Variants in BBS9 observed in about 807,000 individuals in gnomAD.
BBS9 encodes Bardet-Biedl syndrome 9.
A neutral mutation model predicts 117.7 loss-of-function variants in BBS9; 89 were observed. The ratio of observed to expected loss-of-function variants is 0.76; its 90% confidence interval spans 0.64 to 0.90. The LOEUF is 0.90. Among genes scored for constraint, BBS9 ranks in the 40% least tolerant of loss-of-function variants. The pLI is 0.00. For synonymous variants in BBS9, 379 were observed against 370.9 expected (o/e 1.02, Z -0.25); for missense variants, 982 against 1,042.2 (o/e 0.94, Z 0.80).
At chr7:33,225,281 T>C (rs1583725830) in intron 5 of BBS9, among the ~76,000 whole-genome samples, 1 of 152,228 alleles carries the variant, frequency 6.6e-6, no homozygotes, top group Non-Finnish European at 1.5e-5. Context: ...CACTGTGGCC[T>C]TGACCTCCTG....
At chr7:33,517,224 C>A (rs1191262198) in intron 20 of BBS9, among the ~76,000 whole-genome samples, 1 of 151,214 alleles carries the variant, frequency 6.6e-6, no homozygotes, top group African/African-American at 2.5e-5. Context: ...ATGTGCTAGG[C>A]ATTGATCAAG....
chr7:33,529,301 A>T (rs1850192602), intron 20 of BBS9, among the ~76,000 whole-genome samples: 1 of 152,222 alleles, frequency 6.6e-6, no homozygotes, highest in South Asian at 2.1e-4. Flanking sequence ...GTCAGGTAGC[A>T]GGCAGGGCCT....
intron 20 of BBS9, among the ~76,000 whole-genome samples, chr7:33,530,353 G>A (rs948903512): frequency 1.3e-5 from 2 of 152,152 alleles, no homozygotes; most frequent in Non-Finnish European, 1.5e-5. Flanking sequence ...AAATTCTGTA[G>A]TACTCTGTAT....
intron 1 of BBS9, among the ~76,000 whole-genome samples, chr7:33,136,692 A>G (rs910593880): frequency 1.3e-5 from 2 of 152,196 alleles, no homozygotes; most frequent in African/African-American, 4.8e-5. Context: ...GTCATGTTAT[A>G]TAATACTTTT....
At chr7:33,207,155 T>G (rs1468608289) in intron 5 of BBS9, among the ~76,000 whole-genome samples, 2 of 152,212 alleles carry the variant, frequency 1.3e-5, no homozygotes, top group East Asian at 3.8e-4. Flanking sequence ...ACTGTGTAAT[T>G]ACTAATTACT....
chr7:33,352,447 A>G (rs968680887), intron 14 of BBS9, among the ~76,000 whole-genome samples: 13 of 152,208 alleles, frequency 8.5e-5, no homozygotes, highest in African/African-American at 3.1e-4. Flanking sequence ...ATTATAAAAA[A>G]GAGGAACTGG....
At chr7:33,281,796 T>C (rs1447985129) in intron 9 of BBS9, among the ~76,000 whole-genome samples, 1 of 152,098 alleles carries the variant, frequency 6.6e-6, no homozygotes, top group Admixed American at 6.5e-5. Context: ...TGTTGCTTCC[T>C]TATTTTTTTA....
At chr7:33,455,352 G>A (rs139634604) in intron 19 of BBS9, among the ~76,000 whole-genome samples, 3 of 152,250 alleles carry the variant, frequency 2.0e-5, no homozygotes, top group Admixed American at 6.5e-5. Context: ...ATGAGATAGC[G>A]ATTCTGGGCT....
At chr7:33,397,827 G>GT in intron 19 of BBS9, among the ~76,000 whole-genome samples, 1 of 152,080 alleles carries the variant, frequency 6.6e-6, no homozygotes, top group Non-Finnish European at 1.5e-5. Context: ...TGGGAGTGGG[G>GT]TCAGGGGAGG....
intron 9 of BBS9, among the ~76,000 whole-genome samples, chr7:33,295,118 T>C (rs1754347800): frequency 6.6e-6 from 1 of 152,140 alleles, no homozygotes. Flanking sequence ...CATTACATAA[T>C]TTTACACATT....
chr7:33,348,407 T>A (rs903394484), intron 12 of BBS9, among the ~76,000 whole-genome samples: 1 of 152,192 alleles, frequency 6.6e-6, no homozygotes, highest in African/African-American at 2.4e-5. Flanking sequence ...TCATAATGTA[T>A]TTCATTTCTT....
intron 19 of BBS9, among the ~76,000 whole-genome samples, chr7:33,415,236 A>G (rs945185090): frequency 6.6e-6 from 1 of 152,192 alleles, no homozygotes; most frequent in Non-Finnish European, 1.5e-5. Context: ...AAAATGTTCC[A>G]GTATAAAGTA....
Position 33,368,421 on chromosome 7 carries a change from G to A in BBS9, c.1789+559G>A, listed in dbSNP as rs187828002. Among the ~76,000 whole-genome samples the A allele has an allele frequency of 4.3e-4, 66 of 152,206 alleles. 1 individual carries two copies. Among genetic ancestry groups the A allele is most frequent in the Admixed American group, 2.2e-3 (33 of 15,284 alleles). ...ATTGATTTGGTTGCTTTATGTATGC[G>A]AGAATAATAGTCGAAACTAGTCAAT... On this transcript the variant is annotated intron_variant, in intron 17 of 22. Coordinates refer to ENST00000242067, the MANE Select transcript of BBS9 (RefSeq NM_198428.3).
At chr7:33,578,035 A>G (rs930345041) in intron 21 of BBS9, among the ~76,000 whole-genome samples, 1 of 152,202 alleles carries the variant, frequency 6.6e-6, no homozygotes, top group Non-Finnish European at 1.5e-5. Flanking sequence ...CATGTACCCT[A>G]GAACTTAAAG....
At chr7:33,424,897 A>G (rs1283381430) in intron 19 of BBS9, among the ~76,000 whole-genome samples, 3 of 152,136 alleles carry the variant, frequency 2.0e-5, no homozygotes, top group African/African-American at 7.2e-5. Flanking sequence ...GCAAGTAGAT[A>G]CTCACCATCA....
chr7:33,361,376 T>G (rs1820590310), intron 16 of BBS9, among the ~76,000 whole-genome samples: 1 of 152,232 alleles, frequency 6.6e-6, no homozygotes, highest in South Asian at 2.1e-4. Flanking sequence ...TTACATAATA[T>G]TCCATTGTTT....
chr7:33,623,923 C>T (rs1380302740), intron 21 of BBS9, among the ~76,000 whole-genome samples: 1 of 151,900 alleles, frequency 6.6e-6, no homozygotes, highest in Non-Finnish European at 1.5e-5. Context: ...TGGGGAGGGG[C>T]CAGAAGGCCT....
At chr7:33,171,075 C>A (rs967411930) in intron 4 of BBS9, among the ~76,000 whole-genome samples, 4 of 151,484 alleles carry the variant, frequency 2.6e-5, no homozygotes, top group South Asian at 4.2e-4. Flanking sequence ...GCTACCAATG[C>A]CTTTCTTCAC....
chr7:33,430,377 A>G (rs1834258790), intron 19 of BBS9, among the ~76,000 whole-genome samples: 1 of 152,190 alleles, frequency 6.6e-6, no homozygotes, highest in South Asian at 2.1e-4. Context: ...GTTTGTTCTC[A>G]CTAGATATAA....
Sources: gnomAD v4.1 joint callset for allele counts (sites outside exome capture counted in the v4.1 genomes callset) on GRCh38, gnomAD v4.1.1 for gene constraint, MANE v1.5 for transcripts, NCBI Gene and HGNC (gene_info 2026-07-23, HGNC 2026-07-21) for gene names.